The following RSRC1 variants were observed in gnomAD, a reference collection of about 807,000 sequenced individuals.
The protein encoded by RSRC1 is serine/Arginine-related protein 53.
Under a neutral mutation model 49.1 loss-of-function variants are expected in RSRC1, and 39 were observed. The observed-to-expected ratio is 0.79, with a 90% CI of 0.61 to 1.04. The LOEUF is 1.04. Among genes scored for constraint, RSRC1 ranks in the 50% least tolerant of loss-of-function variants. The pLI is 0.00. For missense variants in RSRC1, 388 were observed against 402.4 expected (o/e 0.96, Z 0.31); for synonymous variants, 143 against 130.8 (o/e 1.09, Z -0.63).
At chr3:158,171,473 C>G (rs1718879049) in intron 3 of RSRC1, among the ~76,000 whole-genome samples, 1 of 152,040 alleles carries the variant, frequency 6.6e-6, no homozygotes, top group South Asian at 2.1e-4. Context: ...CAAGTGTGTC[C>G]TCCAGAGTAA....
intron 6 of RSRC1, among the ~76,000 whole-genome samples, chr3:158,389,651 G>A (rs1202447311): frequency 4.6e-5 from 7 of 152,140 alleles, no homozygotes; most frequent in South Asian, 2.1e-4. Context: ...CTTAGTAGGC[G>A]AGTTCTGGAA....
chr3:158,412,571 G>A (rs1298700521), intron 6 of RSRC1, among the ~76,000 whole-genome samples: 1 of 151,976 alleles, frequency 6.6e-6, no homozygotes, highest in African/African-American at 2.4e-5. Context: ...GTGTAGAGGG[G>A]CATTCACCTC....
intron 3 of RSRC1, among the ~76,000 whole-genome samples, chr3:158,170,938 A>G (rs936233292): frequency 6.6e-6 from 1 of 152,138 alleles, no homozygotes; most frequent in African/African-American, 2.4e-5. Context: ...GAACTGCATG[A>G]TGGCAGCACA....
chr3:158,417,932 A>C (rs1199364611), intron 6 of RSRC1, among the ~76,000 whole-genome samples: 2 of 151,944 alleles, frequency 1.3e-5, no homozygotes, highest in African/African-American at 4.8e-5. Flanking sequence ...AGAGCCTATC[A>C]AATTGCTTTT....
At chr3:158,275,380 G>A (rs1276265849) in intron 4 of RSRC1, among the ~76,000 whole-genome samples, 7 of 151,970 alleles carry the variant, frequency 4.6e-5, no homozygotes, top group South Asian at 2.1e-4. Flanking sequence ...TTTTTAAAGC[G>A]AAGCCCAATT....
intron 7 of RSRC1, among the ~76,000 whole-genome samples, chr3:158,522,376 G>A (rs1479399914): frequency 1.3e-5 from 2 of 151,764 alleles, no homozygotes; most frequent in Non-Finnish European, 2.9e-5. Flanking sequence ...GCACAATCAC[G>A]GCTCACTGCA....
intron 5 of RSRC1, among the ~76,000 whole-genome samples, chr3:158,321,701 A>G (rs910907157): frequency 6.6e-5 from 10 of 151,486 alleles, no homozygotes; most frequent in Admixed American, 4.6e-4. Context: ...TTTTGCACCA[A>G]CCTAACAGAA....
Position 158,539,556 on chromosome 3 carries a change from G to A in RSRC1, c.759+2358G>A, listed in dbSNP as rs550094299. 1.3e-5 allele frequency among the ~76,000 whole-genome samples: 2 copies of A among 152,024 alleles called. No homozygotes were observed. Among genetic ancestry groups the A allele is most frequent in the Non-Finnish European group, 2.9e-5 (2 of 67,972 alleles). Reference sequence around the variant, plus strand: ...AGGGTAAATACCCCTATGCAGCATGGTCTTTTGGCCTACTTGGAAGTAGAT... The same window carrying A: ...AGGGTAAATACCCCTATGCAGCATGATCTTTTGGCCTACTTGGAAGTAGAT... On this transcript the variant is annotated intron_variant, in intron 8 of 9. Coordinates refer to ENST00000611884, the MANE Select transcript of RSRC1 (RefSeq NM_001271838.2). The surrounding 1 kb of genome is among the most constrained non-coding windows in gnomAD (Gnocchi z 4.1).
Position 158,411,486 on chromosome 3 carries a change from C to T in RSRC1, c.584-49449C>T, listed in dbSNP as rs551972945. Among the ~76,000 whole-genome samples the T allele has an allele frequency of 1.1e-4, 16 of 151,146 alleles. No homozygotes were observed. The East Asian group carries it at 3.1e-3, about 30-fold the overall frequency. On this transcript the variant is annotated intron_variant, in intron 6 of 9. Transcript: ENST00000611884. ...TATTTCTAGACTTTTTTATGTTAGCCAAACTTATATCATTCTACTTTCTCT... is the reference window on the plus strand; with the variant it reads ...TATTTCTAGACTTTTTTATGTTAGCTAAACTTATATCATTCTACTTTCTCT...
intron 7 of RSRC1, among the ~76,000 whole-genome samples, chr3:158,517,427 T>C (rs1199802422): frequency 2.6e-5 from 4 of 152,138 alleles, no homozygotes; most frequent in Non-Finnish European, 5.9e-5. Flanking sequence ...TCATCCTGTT[T>C]GTGATCATTA....
At chr3:158,297,986 T>C (rs895389918) in intron 4 of RSRC1, 53 bp from the exon 5 acceptor site, 4 of 1,285,866 alleles carry the variant, frequency 3.1e-6, no homozygotes, top group Non-Finnish European at 4.5e-6. Flanking sequence ...GTAAACAAAT[T>C]AGAGCAGACA....
chr3:158,379,474 ACAGGCATGAGC>A (rs1732575228), intron 6 of RSRC1, among the ~76,000 whole-genome samples: 1 of 152,108 alleles, frequency 6.6e-6, no homozygotes, highest in African/African-American at 2.4e-5. Flanking sequence ...TGCTGGGATT[ACAGGCATGAGC>A]CACCACACCT....
chr3:158,414,642 A>G (rs1003471546), intron 6 of RSRC1, among the ~76,000 whole-genome samples: 9 of 152,046 alleles, frequency 5.9e-5, no homozygotes, highest in African/African-American at 2.2e-4. Flanking sequence ...TGATTACGTG[A>G]GCCCAGGAGC....
chr3:158,330,219 T>TA (rs1254224474), intron 5 of RSRC1, among the ~76,000 whole-genome samples: 2 of 152,142 alleles, frequency 1.3e-5, no homozygotes, highest in African/African-American at 4.8e-5. Flanking sequence ...CAGCTCACAC[T>TA]AGGTGGACTG....
In RSRC1 at chr3:158,449,385, T is replaced by C. The variant is rs1736895499; in HGVS notation, c.584-11550T>C. On this transcript the variant is annotated intron_variant, in intron 6 of 9. Transcript: ENST00000611884. ...GTTTATTTATGTTACAGGAGAAGAA[T>C]AGTTTTTTGGAAAATAAAGTTGGGA... 2.6e-5 allele frequency among the ~76,000 whole-genome samples: 4 copies of C among 151,970 alleles called. No individual in the cohort carries two copies. The South Asian group carries it at 6.2e-4, about 24-fold the overall frequency.
intron 7 of RSRC1, among the ~76,000 whole-genome samples, chr3:158,525,489 T>A (rs1297063844): frequency 6.6e-6 from 1 of 151,952 alleles, no homozygotes; most frequent in African/African-American, 2.4e-5. Flanking sequence ...GAAATCAGTT[T>A]GGCAGTGTCT....
chr3:158,532,519 G>C (rs1712462889), intron 7 of RSRC1, among the ~76,000 whole-genome samples: 1 of 146,172 alleles, frequency 6.8e-6, no homozygotes, highest in South Asian at 2.1e-4. Flanking sequence ...AATATAACTT[G>C]AAGAAGCAGG....
chr3:158,203,047 A>T, intron 3 of RSRC1, 25 bp from the exon 4 acceptor site: 1 of 1,573,194 alleles, frequency 6.4e-7, no homozygotes, highest in East Asian at 2.3e-5. Context: ...CACTAAGTTT[A>T]TTTAACAAAA....
intron 7 of RSRC1, among the ~76,000 whole-genome samples, chr3:158,517,417 T>C (rs924769574): frequency 6.6e-5 from 10 of 152,176 alleles, no homozygotes; most frequent in African/African-American, 1.9e-4. Flanking sequence ...GCTAGTATCG[T>C]CATCCTGTTT....
Sources: gnomAD v4.1 joint callset for allele counts (sites outside exome capture counted in the v4.1 genomes callset) on GRCh38, gnomAD v4.1.1 for gene constraint, Gnocchi (gnomAD v3.1) non-coding constraint, MANE v1.5 for transcripts, NCBI Gene and HGNC (gene_info 2026-07-23, HGNC 2026-07-21) for gene names.